Variants in SP100 observed in about 807,000 individuals in gnomAD.
SP100 encodes nuclear autoantigen Sp-100.
A neutral mutation model predicts 130.0 loss-of-function variants in SP100; 84 were observed. The observed-to-expected ratio is 0.65, with a 90% CI of 0.54 to 0.77. The LOEUF (loss-of-function observed/expected upper bound fraction) is 0.77, where lower values mean the gene tolerates loss of function less well. SP100 is among the 30% of genes least tolerant of loss of function. SP100 has a pLI of 0.00. For missense variants in SP100, 978 were observed against 1,052.2 expected, an observed-to-expected ratio of 0.93 and a Z score of 0.97; for synonymous variants, 331 against 351.7, an observed-to-expected ratio of 0.94 and a Z score of 0.66.
rs560611902 is a variant in SP100 at position 230,543,223 on chromosome 2, A to T, written c.*277A>T. 9.1e-5 allele frequency: 20 copies of T among 220,132 alleles called. No homozygotes were observed. The highest frequency in any genetic ancestry group is 4.6e-4 in the African/African-American group (20 of 43,604). The allele number at this position is 220,132 out of a possible 1,614,324, so 13.6% of individuals were successfully genotyped here. A position where few individuals can be genotyped will look rare whatever the true frequency, so the allele number is the denominator to read the frequency against. ...AACATTATATGGAATGCGCAAAAGA[A>T]GCATTCCCCTTGAAAACAAGCACAA... On this transcript the variant is annotated 3_prime_UTR_variant, in exon 29 of 29. Transcript: ENST00000340126.
rs1559542582 is a variant in SP100 at position 230,544,926 on chromosome 2, C to CA, written c.*1986dup. ...GTCAAAATGCCTCTTTCTAAAAAGTCAAAAAATAACAGCTAGTAAGGTTGT... is the reference window on the plus strand; with the variant it reads ...GTCAAAATGCCTCTTTCTAAAAAGTCAAAAAAATAACAGCTAGTAAGGTTGT... On this transcript the variant is annotated 3_prime_UTR_variant, in exon 29 of 29. Coordinates refer to ENST00000340126, the MANE Select transcript of SP100 (RefSeq NM_001080391.2). Among the ~76,000 whole-genome samples the CA allele has an allele frequency of 6.6e-6, 1 of 152,064 alleles. No individual in the cohort carries two copies. Among genetic ancestry groups the CA allele is most frequent in the African/African-American group, 2.4e-5 (1 of 41,416 alleles).
chr2:230,447,936 A>C (rs2063780217), intron 5 of SP100, among the ~76,000 whole-genome samples: 1 of 152,174 alleles, frequency 6.6e-6, no homozygotes, highest in African/African-American at 2.4e-5. Context: ...CCCAATCCTT[A>C]GGGGCTTTCC....
chr2:230,483,806 C>G (rs147519572), intron 17 of SP100, among the ~76,000 whole-genome samples: 45 of 152,270 alleles, frequency 3.0e-4, no homozygotes, highest in African/African-American at 9.6e-4. Context: ...TCACCATGAA[C>G]ATAGACTTAG....
rs180736849 is a variant in SP100, at chr2:230,482,550, T to A, written c.1600+8103T>A. Reference sequence around the variant, plus strand: ...AGACATTCTTATTTTTTTTCTCATTTGGATATTTAATTCTTTTAGAATTGA... The same window carrying A: ...AGACATTCTTATTTTTTTTCTCATTAGGATATTTAATTCTTTTAGAATTGA... On this transcript the variant is annotated intron_variant, in intron 17 of 28. Coordinates refer to ENST00000340126, the MANE Select transcript of SP100 (RefSeq NM_001080391.2). 6.3e-4 allele frequency among the ~76,000 whole-genome samples: 96 copies of A among 152,000 alleles called. 1 individual carries two copies. The highest frequency in any genetic ancestry group is 2.3e-3 in the African/African-American group (94 of 41,540).
intron 5 of SP100, among the ~76,000 whole-genome samples, chr2:230,448,440 A>G (rs908296521): frequency 5.9e-5 from 9 of 152,222 alleles, no homozygotes; most frequent in Non-Finnish European, 7.3e-5. Context: ...AAATCCAGAG[A>G]TACCACAAAT....
chr2:230,520,383 T>C (rs1457391260), intron 24 of SP100, among the ~76,000 whole-genome samples: 1 of 152,166 alleles, frequency 6.6e-6, no homozygotes, highest in African/African-American at 2.4e-5. Flanking sequence ...ATCCAAAACC[T>C]TGAGAGAAAT....
At chr2:230,475,016 A>G (rs4539783) in intron 17 of SP100, among the ~76,000 whole-genome samples, 43,387 of 151,262 alleles carry the variant, frequency 0.29, 6,444 homozygotes, top group South Asian at 0.45. Context: ...TATCTTTTTG[A>G]TAGAACAAGT....
At chr2:230,524,200 A>AAAAAAAAAAT (rs1294898811) in intron 24 of SP100, among the ~76,000 whole-genome samples, 1 of 148,350 alleles carries the variant, frequency 6.7e-6, no homozygotes, top group African/African-American at 2.5e-5. Context: ...AAAAAAAAAA[A>AAAAAAAAAAT]AGAAAATTAG....
At chr2:230,464,335 G>A (rs1678203) in intron 11 of SP100, among the ~76,000 whole-genome samples, 185 bp downstream of exon 11, 36,783 of 152,062 alleles carry the variant, frequency 0.24, 5,104 homozygotes, top group Middle Eastern at 0.33. Flanking sequence ...TTAGGAAGGT[G>A]TTATAAACTC....
intron 19 of SP100, 37 bp downstream of exon 19, chr2:230,498,572 C>G: frequency 2.6e-6 from 3 of 1,159,160 alleles, no homozygotes; most frequent in Non-Finnish European, 3.5e-6. Context: ...TAAATAACGT[C>G]TAAATTCTCA....
chr2:230,529,087 A>G (rs1178260657), intron 24 of SP100, among the ~76,000 whole-genome samples: 5 of 152,236 alleles, frequency 3.3e-5, no homozygotes, highest in South Asian at 2.1e-4. Context: ...TGAGGCTAGC[A>G]TCATCCTGAT....
Position 230,461,400 on chromosome 2 carries a change from C to T in SP100, c.959C>T (p.Ala320Val). 1 of 1,613,984 alleles carries T rather than the reference C, an allele frequency of 6.2e-7. No individual in the cohort carries two copies. Among genetic ancestry groups the T allele is most frequent in the Non-Finnish European group, 8.5e-7 (1 of 1,179,916 alleles). ...QAQARTHHNQ[A>V]SDIIVISSED... ...CAAGCAAGAACTCATCATAACCAGG[C>T]ATCTGACATAATAGGTAAGGCTGAC... The change falls in exon 9 of 29, where the codon GCA becomes GTA. Residue 320 changes from alanine (A) to valine (V), a missense_variant. Ala to Val is a moderately conservative substitution (Grantham distance 64, BLOSUM62 0). Coordinates refer to ENST00000340126, the MANE Select transcript of SP100 (RefSeq NM_001080391.2).
chr2:230,424,093 A>G (rs1351586009), intron 2 of SP100, among the ~76,000 whole-genome samples: 1 of 152,228 alleles, frequency 6.6e-6, no homozygotes, highest in Non-Finnish European at 1.5e-5. Flanking sequence ...CTGCCACTGC[A>G]TACATGTAGA....
rs573153851 is a variant in SP100 at position 230,538,758 on chromosome 2, G to A, written c.2095-509G>A. 16 of 154,162 alleles carry A rather than the reference G, an allele frequency of 1.0e-4. No homozygotes were observed. In the South Asian group the frequency reaches 3.2e-3, roughly 31 times the overall value. 9.5% of individuals were successfully genotyped at this position (154,162 alleles called of 1,614,324 possible). On this transcript the variant is annotated intron_variant, in intron 24 of 28. Transcript: ENST00000340126. Reference sequence around the variant, plus strand: ...GTTTTTCCATCCCAGAGGTACTGCTGCAGGCCCAGAGCCCTCCAGGAAAAG... The same window carrying A: ...GTTTTTCCATCCCAGAGGTACTGCTACAGGCCCAGAGCCCTCCAGGAAAAG...
chr2:230,518,882 G>A (rs1691042693), intron 24 of SP100, among the ~76,000 whole-genome samples: 1 of 152,114 alleles, frequency 6.6e-6, no homozygotes. Flanking sequence ...ATTTATTCAA[G>A]TCATGTGAAC....
intron 23 of SP100, 162 bp from the exon 24 acceptor site, chr2:230,510,963 C>T (rs1690545285): frequency 1.5e-6 from 1 of 662,222 alleles, no homozygotes; most frequent in Admixed American, 2.7e-5. Context: ...TAATTTAGTG[C>T]TTTTTTATTC....
chr2:230,531,729 C>T (rs1691714029), intron 24 of SP100, among the ~76,000 whole-genome samples: 3 of 152,004 alleles, frequency 2.0e-5, no homozygotes, highest in African/African-American at 7.3e-5. Context: ...CACTAAAGTA[C>T]TTCCTAGTTA....
chr2:230,481,963 TTTAA>T (rs779144434), intron 17 of SP100, among the ~76,000 whole-genome samples: 1 of 152,188 alleles, frequency 6.6e-6, no homozygotes, highest in East Asian at 1.9e-4. Context: ...TCCATATTTT[TTTAA>T]TTATTATACT....
intron 5 of SP100, among the ~76,000 whole-genome samples, chr2:230,447,140 C>T (rs1041535603): frequency 6.6e-6 from 1 of 152,036 alleles, no homozygotes; most frequent in Admixed American, 6.5e-5. Context: ...TTACAGATGC[C>T]GACTACCTAG....
Sources: gnomAD v4.1 joint callset for allele counts (sites outside exome capture counted in the v4.1 genomes callset) on GRCh38, gnomAD v4.1.1 for gene constraint, MANE v1.5 for transcripts, NCBI Gene and HGNC (gene_info 2026-07-23, HGNC 2026-07-21) for gene names.